Variants in RCSD1 observed in about 807,000 individuals in gnomAD.
RCSD1 encodes the protein RCSD domain containing 1.
A neutral mutation model predicts 42.5 loss-of-function variants in RCSD1; 26 were observed. That is an observed-to-expected ratio of 0.61 (90% CI 0.45 to 0.85). The LOEUF (loss-of-function observed/expected upper bound fraction) is 0.85, where lower values mean the gene tolerates loss of function less well. Among genes scored for constraint, RCSD1 ranks in the 40% least tolerant of loss-of-function variants. RCSD1 has a pLI of 0.00. For synonymous variants in RCSD1, 220 were observed against 212.2 expected, an observed-to-expected ratio of 1.04 and a Z score of -0.32; for missense variants, 571 against 528.3, an observed-to-expected ratio of 1.08 and a Z score of -0.79.
chr1:167,657,603 C>T (rs1558078193), intron 1 of RCSD1, among the ~76,000 whole-genome samples: 1 of 152,010 alleles, frequency 6.6e-6, no homozygotes, highest in Non-Finnish European at 1.5e-5. Context: ...GTAATTTCAC[C>T]TCCTTCCTCC....
intron 3 of RCSD1, among the ~76,000 whole-genome samples, chr1:167,686,599 G>T (rs898272384): frequency 6.6e-6 from 1 of 152,204 alleles, no homozygotes; most frequent in African/African-American, 2.4e-5. Flanking sequence ...CTGACCAAGG[G>T]TCTTATTCTT....
intron 1 of RCSD1, among the ~76,000 whole-genome samples, chr1:167,678,391 C>T (rs756370780): frequency 3.9e-4 from 58 of 150,470 alleles, no homozygotes; most frequent in Non-Finnish European, 6.9e-4. Context: ...GCCCCACCCA[C>T]CCCTCTCTCC....
At chr1:167,646,109 G>A (rs1342895368) in intron 1 of RCSD1, among the ~76,000 whole-genome samples, 1 of 152,236 alleles carries the variant, frequency 6.6e-6, no homozygotes, top group Non-Finnish European at 1.5e-5. Context: ...CAGAGTTAGA[G>A]AGAAAGTGAT....
chr1:167,683,878 T>C (rs1553251022), intron 1 of RCSD1, 22 bp from the exon 2 acceptor site: 11 of 1,611,166 alleles, frequency 6.8e-6, no homozygotes, highest in Non-Finnish European at 8.5e-6. Context: ...TGATTAACTG[T>C]TTCTTCTTCT....
chr1:167,654,046 G>A (rs963050329), intron 1 of RCSD1, among the ~76,000 whole-genome samples: 1 of 152,188 alleles, frequency 6.6e-6, no homozygotes, highest in African/African-American at 2.4e-5. Context: ...ACAGCATACG[G>A]ATCATAATGC....
At chr1:167,635,555 G>C (rs1657821925) in intron 1 of RCSD1, among the ~76,000 whole-genome samples, 1 of 152,214 alleles carries the variant, frequency 6.6e-6, no homozygotes, top group African/African-American at 2.4e-5. Flanking sequence ...GGCGCGCGCG[G>C]TTCCGTGGGA....
chr1:167,692,535 T>A (rs1269264487), intron 4 of RCSD1, among the ~76,000 whole-genome samples: 1 of 152,054 alleles, frequency 6.6e-6, no homozygotes, highest in South Asian at 2.1e-4. Flanking sequence ...TTTTATTTTT[T>A]TTAGACAAGG....
intron 1 of RCSD1, among the ~76,000 whole-genome samples, chr1:167,674,224 C>T (rs7547452): frequency 0.24 from 36,369 of 152,140 alleles, 6,661 homozygotes; most frequent in African/African-American, 0.52. Flanking sequence ...TGAAACTCAC[C>T]CTGTCTTCCT....
chr1:167,696,583 C>G (rs999406503), intron 5 of RCSD1, among the ~76,000 whole-genome samples: 22 of 152,070 alleles, frequency 1.4e-4, no homozygotes, highest in African/African-American at 5.3e-4. Flanking sequence ...TCCCAAGTAG[C>G]TGGGACCACA....
chr1:167,644,497 A>T (rs1028563539), intron 1 of RCSD1, among the ~76,000 whole-genome samples: 1 of 53,078 alleles, frequency 1.9e-5, no homozygotes, highest in South Asian at 5.8e-4. Flanking sequence ...AAATACATAC[A>T]TACATACATA....
chr1:167,631,334 G>A (rs1159968925), intron 1 of RCSD1, among the ~76,000 whole-genome samples: 1 of 152,216 alleles, frequency 6.6e-6, no homozygotes, highest in Non-Finnish European at 1.5e-5. Context: ...TTGAGAAGAT[G>A]CAAATGTTAT....
At chr1:167,664,268 A>G (rs1474518854) in intron 1 of RCSD1, 2 of 152,262 alleles carry the variant, frequency 1.3e-5, no homozygotes, top group Admixed American at 6.5e-5. Context: ...TGGGCTGGAC[A>G]GGAGTGGCTG....
At chr1:167,650,905 A>G (rs911443306) in intron 1 of RCSD1, among the ~76,000 whole-genome samples, 4 of 152,198 alleles carry the variant, frequency 2.6e-5, no homozygotes, top group Non-Finnish European at 5.9e-5. Flanking sequence ...ACAAAGTGCC[A>G]TGGACTGGAT....
chr1:167,635,290 G>A (rs1657809484), intron 1 of RCSD1, among the ~76,000 whole-genome samples: 1 of 151,992 alleles, frequency 6.6e-6, no homozygotes, highest in South Asian at 2.1e-4. Context: ...GTGGACTTGT[G>A]GCATGCCCAA....
chr1:167,698,712 A>G (rs1340395275), intron 6 of RCSD1, among the ~76,000 whole-genome samples: 1 of 152,142 alleles, frequency 6.6e-6, no homozygotes, highest in Non-Finnish European at 1.5e-5. Flanking sequence ...TAGTGCATTC[A>G]TTCATTCATG....
chr1:167,633,124 G>A (rs1657746576), intron 1 of RCSD1, among the ~76,000 whole-genome samples: 1 of 152,184 alleles, frequency 6.6e-6, no homozygotes. Context: ...GTCTTTGAGA[G>A]ATCTTTTTTT....
At chr1:167,635,877 C>G (rs1657835607) in intron 1 of RCSD1, among the ~76,000 whole-genome samples, 1 of 152,156 alleles carries the variant, frequency 6.6e-6, no homozygotes, top group Non-Finnish European at 1.5e-5. Context: ...TTTTCTCTTA[C>G]CTGGGGAGTA....
intron 2 of RCSD1, 42 bp downstream of exon 2, chr1:167,684,043 A>G: frequency 6.6e-7 from 1 of 1,519,488 alleles, no homozygotes; most frequent in South Asian, 1.1e-5. Flanking sequence ...AGCAGCGGGC[A>G]GGAGGAAAGG....
chr1:167,691,391 G>A (rs1021299681), intron 4 of RCSD1, among the ~76,000 whole-genome samples: 10 of 152,348 alleles, frequency 6.6e-5, no homozygotes, highest in South Asian at 6.2e-4. Flanking sequence ...TAAGGAATGC[G>A]TGGCTGAAAA....
Sources: allele counts gnomAD v4.1 joint callset (sites outside exome capture counted in the v4.1 genomes callset), GRCh38; gene constraint gnomAD v4.1.1; transcripts MANE v1.5; gene names NCBI Gene and HGNC (gene_info 2026-07-23, HGNC 2026-07-21).